Variants in SOX5 observed in about 807,000 individuals in gnomAD.
SOX5 encodes SRY-box transcription factor 5.
SOX5 carries 9 observed loss-of-function variants against 92.0 expected under a neutral mutation model. The observed-to-expected ratio is 0.10, with a 90% CI of 0.06 to 0.17. The LOEUF (loss-of-function observed/expected upper bound fraction) is 0.17, where lower values mean the gene tolerates loss of function less well. SOX5 is among the 10% of genes least tolerant of loss of function. The probability of loss-of-function intolerance (pLI) is 1.00; values close to 1 mark genes in which losing one functional copy is unlikely to be tolerated. For synonymous variants in SOX5, 344 were observed against 336.3 expected (o/e 1.02, Z -0.25); for missense variants, 642 against 944.5 (o/e 0.68, Z 4.20).
intron 13 of SOX5, among the ~76,000 whole-genome samples, chr12:23,539,417 A>G (rs1215996181): frequency 6.6e-6 from 1 of 152,172 alleles, no homozygotes; most frequent in East Asian, 1.9e-4. Context: ...ATAGTTGTAG[A>G]AAGTACAGGA....
At chr12:24,141,376 C>T (rs1228300800) in intron 4 of SOX5, among the ~76,000 whole-genome samples, 1 of 152,088 alleles carries the variant, frequency 6.6e-6, no homozygotes, top group Non-Finnish European at 1.5e-5. Flanking sequence ...TAATGGAAGA[C>T]AGTGGATATA....
At chr12:23,931,679 T>C (rs1941436122) in intron 1 of SOX5, among the ~76,000 whole-genome samples, 1 of 151,764 alleles carries the variant, frequency 6.6e-6, no homozygotes, top group Non-Finnish European at 1.5e-5. Flanking sequence ...TTAAACAAGA[T>C]TATTTCTGAT....
At chr12:24,540,736 T>G (rs1488298623) in intron 1 of SOX5, among the ~76,000 whole-genome samples, 1 of 152,152 alleles carries the variant, frequency 6.6e-6, no homozygotes, top group Non-Finnish European at 1.5e-5. Flanking sequence ...GAAAAGGGGT[T>G]TTGCTTCTCT....
intron 4 of SOX5, among the ~76,000 whole-genome samples, chr12:23,982,812 C>A (rs879303608): frequency 6.6e-6 from 1 of 151,322 alleles, no homozygotes; most frequent in Non-Finnish European, 1.5e-5. Flanking sequence ...ATAATAATAT[C>A]TTTTAAATTT....
chr12:24,550,651 A>C (rs1402770540), intron 1 of SOX5, among the ~76,000 whole-genome samples: 2 of 152,222 alleles, frequency 1.3e-5, no homozygotes, highest in Admixed American at 1.3e-4. Flanking sequence ...GATTTTTAAG[A>C]GTTAACAGAG....
chr12:23,604,242 G>A, intron 9 of SOX5, 145 bp downstream of exon 9: 1 of 694,880 alleles, frequency 1.4e-6, no homozygotes. Flanking sequence ...AAGTTGACAT[G>A]CACACCTGTT....
At chr12:24,016,511 C>G (rs1185549150) in intron 4 of SOX5, among the ~76,000 whole-genome samples, 1 of 152,074 alleles carries the variant, frequency 6.6e-6, no homozygotes, top group East Asian at 1.9e-4. Flanking sequence ...TCAACAACAA[C>G]AAGACAACTA....
intron 3 of SOX5, among the ~76,000 whole-genome samples, chr12:24,214,573 TA>T (rs1214573149): frequency 6.6e-6 from 1 of 152,164 alleles, no homozygotes; most frequent in Non-Finnish European, 1.5e-5. Context: ...ATGCATTTAT[TA>T]ATTATATGTG....
chr12:23,626,769 A>G (rs7962398), intron 8 of SOX5, among the ~76,000 whole-genome samples: 101,880 of 150,562 alleles, frequency 0.68, 34,542 homozygotes, highest in Middle Eastern at 0.72. Flanking sequence ...CTTGAGTGCT[A>G]AGTAGGTTAA....
At chr12:23,792,829 T>C (rs1334834526) in intron 3 of SOX5, among the ~76,000 whole-genome samples, 3 of 151,954 alleles carry the variant, frequency 2.0e-5, no homozygotes, top group Non-Finnish European at 4.4e-5. Context: ...TTGCTTTCTT[T>C]TCAAAAAATA....
At chr12:23,608,854 G>A (rs552468210) in intron 8 of SOX5, among the ~76,000 whole-genome samples, 10 of 152,234 alleles carry the variant, frequency 6.6e-5, no homozygotes, top group Non-Finnish European at 2.9e-5. Context: ...AAGAAACTAG[G>A]CAACATATAT....
At chr12:24,175,605 C>A (rs1216661099) in intron 4 of SOX5, among the ~76,000 whole-genome samples, 1 of 152,128 alleles carries the variant, frequency 6.6e-6, no homozygotes, top group African/African-American at 2.4e-5. Context: ...TCATCTATGT[C>A]ATATATATTT....
At chr12:23,758,851 CT>C (rs1358101746) in intron 3 of SOX5, among the ~76,000 whole-genome samples, 1 of 151,964 alleles carries the variant, frequency 6.6e-6, no homozygotes, top group Non-Finnish European at 1.5e-5. Context: ...TGTGCACTCC[CT>C]TATTCTTCTG....
chr12:23,638,585 G>T (rs1282078486), intron 8 of SOX5: 1 of 152,152 alleles, frequency 6.6e-6, no homozygotes, highest in Non-Finnish European at 1.5e-5. Context: ...TAAAACATCT[G>T]ACTAGGCATT....
intron 4 of SOX5, among the ~76,000 whole-genome samples, chr12:23,965,506 T>C (rs973859544): frequency 6.6e-6 from 1 of 152,176 alleles, no homozygotes; most frequent in Admixed American, 6.5e-5. Flanking sequence ...GGACAGACCA[T>C]CTGTGCTAGT....
At chr12:23,704,941 T>C (rs1373407952) in intron 6 of SOX5, among the ~76,000 whole-genome samples, 1 of 151,710 alleles carries the variant, frequency 6.6e-6, no homozygotes, top group Non-Finnish European at 1.5e-5. Flanking sequence ...TAAAATTGTA[T>C]ATTACAAATA....
intron 1 of SOX5, among the ~76,000 whole-genome samples, chr12:24,542,058 C>A (rs935513677): frequency 1.3e-5 from 2 of 152,136 alleles, no homozygotes; most frequent in African/African-American, 4.8e-5. Context: ...AATTTTGAAT[C>A]TTTTAATTAC....
At chr12:24,254,418 C>T (rs944229825) in intron 3 of SOX5, among the ~76,000 whole-genome samples, 1 of 151,636 alleles carries the variant, frequency 6.6e-6, no homozygotes, top group African/African-American at 2.4e-5. Flanking sequence ...ACATCTAATA[C>T]ATCTAATCTA....
intron 1 of SOX5, among the ~76,000 whole-genome samples, chr12:23,909,937 T>C (rs896948365): frequency 2.0e-5 from 3 of 152,098 alleles, no homozygotes; most frequent in African/African-American, 7.2e-5. Context: ...ACTTCCATCC[T>C]CTTTTTTTTT....
Sources: gnomAD v4.1 joint callset for allele counts (sites outside exome capture counted in the v4.1 genomes callset) on GRCh38, gnomAD v4.1.1 for gene constraint, MANE v1.5 for transcripts, NCBI Gene and HGNC (gene_info 2026-07-23, HGNC 2026-07-21) for gene names.